CDC73: variants seen among roughly 807,000 people sequenced by gnomAD.
CDC73 encodes the protein cell division cycle 73.
In CDC73, 21 loss-of-function variants were observed where a neutral mutation model predicts 83.7. That is an observed-to-expected ratio of 0.25 (90% CI 0.18 to 0.36). The LOEUF is 0.36. CDC73 is among the 10% of genes least tolerant of loss of function. The probability of loss-of-function intolerance (pLI) is 1.00; values close to 1 mark genes in which losing one functional copy is unlikely to be tolerated. For synonymous variants in CDC73, 224 were observed against 212.9 expected (o/e 1.05, Z -0.45); for missense variants, 342 against 653.3 (o/e 0.52, Z 5.19).
intron 3 of CDC73, 110 bp downstream of exon 3, chr1:193,130,353 C>G: frequency 1.3e-6 from 1 of 779,856 alleles, no homozygotes; most frequent in Non-Finnish European, 2.2e-6. Flanking sequence ...AAAAATTAAC[C>G]TACCTTCATT....
rs561858781 is a variant in CDC73, at chr1:193,187,424, A to C, written c.973-16371A>C. ...TTTCAGAAAGATTTAATAACTTGCCATGAGGCAGATTTTATTAACACTACA... is the reference window on the plus strand; with the variant it reads ...TTTCAGAAAGATTTAATAACTTGCCCTGAGGCAGATTTTATTAACACTACA... On this transcript the variant is annotated intron_variant, in intron 10 of 16. Coordinates refer to ENST00000367435, the MANE Select transcript of CDC73 (RefSeq NM_024529.5). 3.3e-5 allele frequency among the ~76,000 whole-genome samples: 5 copies of C among 152,316 alleles called. No individual in the cohort carries two copies. In the East Asian group the frequency reaches 7.7e-4, roughly 23 times the overall value.
At chr1:193,232,967 T>A in intron 13 of CDC73, 26 bp from the exon 14 acceptor site, 3 of 1,602,588 alleles carry the variant, frequency 1.9e-6, no homozygotes, top group Middle Eastern at 3.3e-4. Flanking sequence ...ATACATTGAC[T>A]TTTTCTCATC....
At chr1:193,165,963 T>G (rs562555057) in intron 10 of CDC73, among the ~76,000 whole-genome samples, 1 of 152,246 alleles carries the variant, frequency 6.6e-6, no homozygotes, top group Non-Finnish European at 1.5e-5. Context: ...CTGTTATGCC[T>G]TGTAATTTTA....
intron 10 of CDC73, among the ~76,000 whole-genome samples, chr1:193,192,012 T>G (rs915718014): frequency 3.2e-4 from 48 of 152,328 alleles, no homozygotes; most frequent in African/African-American, 1.1e-3. Context: ...AACAAACAAT[T>G]TGTAAATTCA....
chr1:193,225,920 C>T (rs991632895), intron 13 of CDC73, among the ~76,000 whole-genome samples: 41 of 152,124 alleles, frequency 2.7e-4, no homozygotes, highest in African/African-American at 9.6e-4. Context: ...TAGGTCTCAG[C>T]CATTTATATT....
At chr1:193,129,484 A>ATT (rs1675651149) in intron 2 of CDC73, among the ~76,000 whole-genome samples, 1 of 145,498 alleles carries the variant, frequency 6.9e-6, no homozygotes, top group South Asian at 2.3e-4. Flanking sequence ...AATTTCAAAA[A>ATT]GAAATTTATT....
intron 11 of CDC73, among the ~76,000 whole-genome samples, chr1:193,210,989 C>T (rs551860833): frequency 3.8e-4 from 58 of 152,266 alleles, no homozygotes; most frequent in African/African-American, 1.3e-3. Flanking sequence ...AGTATTTGCT[C>T]GTATGCTCTC....
chr1:193,167,441 ATTTGC>A, intron 10 of CDC73, among the ~76,000 whole-genome samples: 1 of 152,212 alleles, frequency 6.6e-6, no homozygotes, highest in South Asian at 2.1e-4. Flanking sequence ...CCACTCAGTC[ATTTGC>A]CTTGACTTCT....
chr1:193,178,073 C>T (rs1168582648), intron 10 of CDC73, among the ~76,000 whole-genome samples: 1 of 152,068 alleles, frequency 6.6e-6, no homozygotes, highest in Non-Finnish European at 1.5e-5. Context: ...ACACAGTTAA[C>T]AAGTGGTGAG....
At chr1:193,217,891 G>A (rs1237895213) in intron 13 of CDC73, among the ~76,000 whole-genome samples, 1 of 152,016 alleles carries the variant, frequency 6.6e-6, no homozygotes, top group Non-Finnish European at 1.5e-5. Context: ...TCCTGTATCA[G>A]TACTGGAAGT....
chr1:193,140,654 G>A (rs1675888647), intron 6 of CDC73, among the ~76,000 whole-genome samples: 5 of 152,148 alleles, frequency 3.3e-5, no homozygotes. Flanking sequence ...CGACTAACAG[G>A]CAGTGTATAC....
At chr1:193,212,560 T>A (rs1041574746) in intron 13 of CDC73, 83 bp downstream of exon 13, 1 of 955,204 alleles carries the variant, frequency 1.0e-6, no homozygotes, top group East Asian at 2.5e-5. Flanking sequence ...GTATTACTTA[T>A]TTGGAAAAAA....
At chr1:193,209,640 G>A (rs1558311887) in intron 11 of CDC73, among the ~76,000 whole-genome samples, 1 of 151,922 alleles carries the variant, frequency 6.6e-6, no homozygotes, top group African/African-American at 2.4e-5. Flanking sequence ...TACATACTAG[G>A]GAACTTGTTT....
At chr1:193,242,398 A>G (rs1677878628) in intron 15 of CDC73, among the ~76,000 whole-genome samples, 1 of 151,910 alleles carries the variant, frequency 6.6e-6, no homozygotes, top group South Asian at 2.1e-4. Flanking sequence ...GGGGTCTCTC[A>G]CCCTTATCTC....
intron 13 of CDC73, 58 bp from the exon 14 acceptor site, chr1:193,232,935 C>A: frequency 7.1e-7 from 1 of 1,403,488 alleles, no homozygotes; most frequent in Non-Finnish European, 1.0e-6. Context: ...TATAGTTTAT[C>A]TTCCCATTTT....
chr1:193,207,675 T>TG (rs1158010000), intron 11 of CDC73, among the ~76,000 whole-genome samples: 1 of 152,148 alleles, frequency 6.6e-6, no homozygotes, highest in African/African-American at 2.4e-5. Flanking sequence ...GCAGACCTTA[T>TG]GGTTATCTTC....
At chr1:193,159,667 T>G (rs2103139205) in intron 10 of CDC73, among the ~76,000 whole-genome samples, 1 of 152,334 alleles carries the variant, frequency 6.6e-6, no homozygotes, top group South Asian at 2.1e-4. Context: ...CGGCCTCCTT[T>G]CACTGCTTTT....
In CDC73 at chr1:193,193,780, A is replaced by AGTGTGTGT. The variant is rs71111459; in HGVS notation, c.973-9972_973-9965dup. ...AGAACATTTCAGCTGTCTTACTTGT[A>AGTGTGTGT]GTGTGTGTGTGTGTGTGTGTGTGTG... On this transcript the variant is annotated intron_variant, in intron 10 of 16. Coordinates refer to ENST00000367435, the MANE Select transcript of CDC73 (RefSeq NM_024529.5). Among the ~76,000 whole-genome samples the AGTGTGTGT allele has an allele frequency of 4.5e-3, 618 of 135,898 alleles. 7 individuals are homozygous for AGTGTGTGT. Among genetic ancestry groups the AGTGTGTGT allele is most frequent in the African/African-American group, 0.012 (412 of 35,364 alleles). The allele number at this position is 135,898 out of a possible 152,430, so 89.2% of individuals were successfully genotyped here. A position where few individuals can be genotyped will look rare whatever the true frequency, so the allele number is the denominator to read the frequency against.
intron 10 of CDC73, chr1:193,180,628 C>T: frequency 6.2e-7 from 1 of 1,614,094 alleles, no homozygotes; most frequent in Non-Finnish European, 8.5e-7. Flanking sequence ...AGTTCCAGAA[C>T]AGAAGACAGG....
Sources: allele counts gnomAD v4.1 joint callset (sites outside exome capture counted in the v4.1 genomes callset), GRCh38; gene constraint gnomAD v4.1.1; transcripts MANE v1.5; gene names NCBI Gene and HGNC (gene_info 2026-07-23, HGNC 2026-07-21).